Variants in TNS3 observed in about 807,000 individuals in gnomAD.
The protein encoded by TNS3 is tensin 3.
In TNS3, 45 loss-of-function variants were observed where a neutral mutation model predicts 140.9. The observed-to-expected ratio is 0.32, with a 90% CI of 0.25 to 0.41. The LOEUF is 0.41. Among genes scored for constraint, TNS3 ranks in the 10% least tolerant of loss-of-function variants. The pLI, the probability that TNS3 is intolerant of heterozygous loss-of-function variation, is 1.00. For synonymous variants in TNS3, 815 were observed against 788.4 expected, an observed-to-expected ratio of 1.03 and a Z score of -0.56; for missense variants, 1,716 against 1,906.7, an observed-to-expected ratio of 0.90 and a Z score of 1.86.
chr7:47,524,368 T>C (rs1799100305), intron 2 of TNS3, among the ~76,000 whole-genome samples: 1 of 152,206 alleles, frequency 6.6e-6, no homozygotes, highest in African/African-American at 2.4e-5. Context: ...CACATCCTGA[T>C]CTCTTTCTAC....
At chr7:47,516,692 C>A (rs979011875) in intron 2 of TNS3, among the ~76,000 whole-genome samples, 10 of 152,218 alleles carry the variant, frequency 6.6e-5, no homozygotes, top group Non-Finnish European at 1.2e-4. Context: ...CAGGTCCGTC[C>A]TCCTCCTACT....
intron 1 of TNS3, among the ~76,000 whole-genome samples, chr7:47,535,136 T>C (rs1799555920): frequency 6.6e-6 from 1 of 152,214 alleles, no homozygotes; most frequent in African/African-American, 2.4e-5. Flanking sequence ...CCCTTTGTCC[T>C]CTTAGGGCCC....
intron 3 of TNS3, among the ~76,000 whole-genome samples, chr7:47,493,775 C>T (rs1195509890): frequency 6.6e-6 from 1 of 151,622 alleles, no homozygotes; most frequent in Non-Finnish European, 1.5e-5. Flanking sequence ...TTGCAATGAG[C>T]CGAGATCGCG....
chr7:47,431,692 C>T (rs983523691), intron 8 of TNS3, among the ~76,000 whole-genome samples: 9 of 152,006 alleles, frequency 5.9e-5, no homozygotes, highest in African/African-American at 2.2e-4. Context: ...AAGGTCAGAG[C>T]AGAAACAAAT....
At chr7:47,449,523 T>C (rs954541061) in intron 4 of TNS3, among the ~76,000 whole-genome samples, 1 of 152,192 alleles carries the variant, frequency 6.6e-6, no homozygotes, top group Non-Finnish European at 1.5e-5. Flanking sequence ...TTGGCTCAGA[T>C]GGCAACTTCC....
intron 10 of TNS3, among the ~76,000 whole-genome samples, chr7:47,418,208 A>G (rs561979212): frequency 2.0e-5 from 3 of 152,338 alleles, no homozygotes; most frequent in Non-Finnish European, 2.9e-5. Context: ...AAGCTGAGGC[A>G]TGAGAATTGC....
intron 20 of TNS3, among the ~76,000 whole-genome samples, chr7:47,341,321 A>G (rs1789004010): frequency 6.6e-6 from 1 of 152,162 alleles, no homozygotes; most frequent in Non-Finnish European, 1.5e-5. Flanking sequence ...ATCAGTGTTA[A>G]TTCTTCTTTA....
chr7:47,582,288 C>T (rs1784556331), upstream of TNS3: 1 of 372,038 alleles, frequency 2.7e-6, no homozygotes, highest in African/African-American at 2.1e-5. Context: ...TCACCGGGGT[C>T]CCCCGCCCTG....
At chr7:47,367,323 G>A (rs1056278583) in intron 17 of TNS3, among the ~76,000 whole-genome samples, 1 of 152,162 alleles carries the variant, frequency 6.6e-6, no homozygotes, top group Non-Finnish European at 1.5e-5. Flanking sequence ...TTCCCTGGCC[G>A]ACCTGACCAC....
chr7:47,285,495 A>T (rs1262380620), intron 27 of TNS3, among the ~76,000 whole-genome samples: 2 of 152,186 alleles, frequency 1.3e-5, no homozygotes, highest in African/African-American at 2.4e-5. Flanking sequence ...GCCTGCCACC[A>T]TGTAAGATGT....
At chr7:47,563,321 A>C (rs1182164430) in intron 1 of TNS3, among the ~76,000 whole-genome samples, 1 of 152,236 alleles carries the variant, frequency 6.6e-6, no homozygotes, top group African/African-American at 2.4e-5. Flanking sequence ...TCCTAAGCTG[A>C]GGGCAGCTCA....
Position 47,328,473 on chromosome 7 carries a change from C to T in TNS3, c.2650+16282G>A, listed in dbSNP as rs1421618490. Among the ~76,000 whole-genome samples, 9 of 152,298 alleles carry T rather than the reference C, an allele frequency of 5.9e-5. No homozygotes were observed. The South Asian group carries it at 1.7e-3, about 28-fold the overall frequency. ...CCAAGGCACAAGCGGCAGGACCTGC[C>T]CACCATGCCCCCAAACCTGCCCCTC... On this transcript the variant is annotated intron_variant, in intron 20 of 30. Coordinates refer to ENST00000311160, the MANE Select transcript of TNS3 (RefSeq NM_022748.12).
At chr7:47,332,446 G>A (rs1788394049) in intron 20 of TNS3, among the ~76,000 whole-genome samples, 1 of 152,194 alleles carries the variant, frequency 6.6e-6, no homozygotes. Context: ...AAGCAGCGAG[G>A]AGGAGACAAG....
intron 17 of TNS3, among the ~76,000 whole-genome samples, chr7:47,346,776 CACCTGCGGTG>C (rs2151004732): frequency 6.6e-6 from 1 of 152,358 alleles, no homozygotes; most frequent in South Asian, 2.1e-4. Flanking sequence ...GAGGACCACA[CACCTGCGGTG>C]ACCTTGGGCA....
intron 9 of TNS3, 69 bp from the exon 10 acceptor site, chr7:47,424,253 G>GATGTGTC (rs766807331): frequency 2.2e-5 from 33 of 1,519,632 alleles, no homozygotes; most frequent in Non-Finnish European, 3.0e-5. Flanking sequence ...CTTGACGGGG[G>GATGTGTC]ATGTGTCTCA....
Position 47,352,086 on chromosome 7 carries a change from TCA to T in TNS3, c.2282-5732_2282-5731del, listed in dbSNP as rs1210527028. Reference sequence around the variant, plus strand: ...TTGCACACACACTCTTACACCCACGTCACACACACCTGCATACTTCACACTCT... The same window carrying T: ...TTGCACACACACTCTTACACCCACGTCACACACCTGCATACTTCACACTCT... On this transcript the variant is annotated intron_variant, in intron 17 of 30. Coordinates refer to ENST00000311160, the MANE Select transcript of TNS3 (RefSeq NM_022748.12). Among the ~76,000 whole-genome samples, 11 of 134,772 alleles carry T rather than the reference TCA, an allele frequency of 8.2e-5. No individual in the cohort carries two copies. In the South Asian group the frequency reaches 2.3e-3, roughly 29 times the overall value. The allele number at this position is 134,772 out of a possible 152,430, so 88.4% of individuals were successfully genotyped here. A position where few individuals can be genotyped will look rare whatever the true frequency, so the allele number is the denominator to read the frequency against.
chr7:47,547,885 GT>G (rs1799963996), intron 1 of TNS3, among the ~76,000 whole-genome samples: 1 of 152,166 alleles, frequency 6.6e-6, no homozygotes, highest in African/African-American at 2.4e-5. Context: ...CTCCAGCATT[GT>G]CCCCAGCCAC....
chr7:47,278,477 C>G (rs1051087474), intron 30 of TNS3: 3 of 461,770 alleles, frequency 6.5e-6, no homozygotes, highest in African/African-American at 5.9e-5. Context: ...TCCACAGCCC[C>G]AGGTTAGGAC....
rs997616108 is a variant in TNS3, at chr7:47,292,017, A to C, written c.3866T>G (p.Ile1289Arg). The change falls in exon 27 of 31, where the codon ATA (isoleucine) becomes AGA (arginine). Residue 1289 changes from isoleucine (I) to arginine (R), a missense_variant. Physicochemically the swap from Ile to Arg is moderately conservative, Grantham distance 97. Coordinates refer to ENST00000311160, the MANE Select transcript of TNS3 (RefSeq NM_022748.12). Reference sequence around the variant, plus strand: ...TGCCGTCTGGGGAGAACTTTCTGCTATTTCCTCCAATGGATCTGTAGGAAG... The same window carrying C: ...TGCCGTCTGGGGAGAACTTTCTGCTCTTTCCTCCAATGGATCTGTAGGAAG... Reference protein sequence around the residue: ...LIPERDPLEEIAESSPQTAAN... With the variant: ...LIPERDPLEERAESSPQTAAN... 3.1e-6 allele frequency: 5 copies of C among 1,614,120 alleles called. No homozygotes were observed. Among genetic ancestry groups the C allele is most frequent in the Non-Finnish European group, 3.4e-6 (4 of 1,180,008 alleles).
Sources: allele counts gnomAD v4.1 joint callset (sites outside exome capture counted in the v4.1 genomes callset), GRCh38; gene constraint gnomAD v4.1.1; transcripts MANE v1.5; gene names NCBI Gene and HGNC (gene_info 2026-07-23, HGNC 2026-07-21).